The following RPAIN variants were observed in gnomAD, a reference collection of about 807,000 sequenced individuals.
The protein encoded by RPAIN is RPA-interacting protein.
RPAIN carries 29 observed loss-of-function variants against 30.5 expected under a neutral mutation model. The observed-to-expected ratio is 0.95, with a 90% confidence interval of 0.71 to 1.30. The LOEUF is 1.30. Among genes scored for constraint, RPAIN ranks in the 50% most tolerant of loss-of-function variants. The probability of loss-of-function intolerance (pLI) is 0.00; values close to 1 mark genes in which losing one functional copy is unlikely to be tolerated. For synonymous variants in RPAIN, 101 were observed against 93.5 expected (o/e 1.08, Z -0.46); for missense variants, 247 against 264.7 (o/e 0.93, Z 0.46).
At position 5,420,262 on chromosome 17, in the gene RPAIN, T is replaced by A; in HGVS notation, c.52T>A (p.Ser18Thr). The A allele has an allele frequency of 6.2e-7, 1 of 1,613,690 alleles. No individual in the cohort carries two copies. Among genetic ancestry groups the A allele is most frequent in the Non-Finnish European group, 8.5e-7 (1 of 1,179,952 alleles). ...PRRSLYKLVG[S>T]PPWKEAFRQR... ...CCGCTCCCTGTACAAACTGGTGGGC[T>A]CGCCGCCTTGGAAAGAGGCTTTCCG... The change falls in exon 1 of 7, where the codon TCG becomes ACG. Residue 18 changes from serine (S) to threonine (T), a missense_variant. Transcript: ENST00000381209.
chr17:5,424,183 C>G (rs949728313), intron 3 of RPAIN, among the ~76,000 whole-genome samples: 2 of 151,846 alleles, frequency 1.3e-5, no homozygotes, highest in Non-Finnish European at 2.9e-5. Flanking sequence ...GAGACAGGGT[C>G]TCACTGTGTT....
Position 5,421,337 on chromosome 17 carries a change from A to C in RPAIN, c.123A>C (p.Leu41=), listed in dbSNP as rs753249723. The C allele has an allele frequency of 9.7e-5, 157 of 1,613,816 alleles. 3 individuals carry two copies. The South Asian group carries it at 1.3e-3, about 13-fold the overall frequency. ...ERMRNSRDRL[L]NRYRQAGSSG... Reference sequence around the variant, plus strand: ...TGAGAAACAGCCGGGACAGGCTCCTAAACAGGTACCGCCAGGCTGGAAGCA... The same window carrying C: ...TGAGAAACAGCCGGGACAGGCTCCTCAACAGGTACCGCCAGGCTGGAAGCA... Residue 41 remains leucine, a synonymous_variant, in exon 2 of 7, where the codon CTA becomes CTC. Coordinates refer to ENST00000381209, the MANE Select transcript of RPAIN (RefSeq NM_001033002.4).
chr17:5,423,983 A>G (rs1264337403), intron 3 of RPAIN, among the ~76,000 whole-genome samples: 1 of 136,238 alleles, frequency 7.3e-6, no homozygotes, highest in African/African-American at 2.7e-5. Flanking sequence ...AAATTATTTT[A>G]TTTATGTATT....
intron 6 of RPAIN, 153 bp downstream of exon 6, chr17:5,428,364 G>C: frequency 6.6e-7 from 1 of 1,519,992 alleles, no homozygotes. Flanking sequence ...AAGGTAACAA[G>C]TCATTTAGAC....
Position 5,428,218 on chromosome 17 carries a change from G to A in RPAIN, c.630+7G>A, listed in dbSNP as rs572268596. ...TCTTCTCATGAGCTGTCTGGTAAGC[G>A]TCTCCTGGGACCCACTCTGTGGTAA... On this transcript the variant is annotated splice_region_variant and intron_variant, in intron 6 of 6. Coordinates refer to ENST00000381209, the MANE Select transcript of RPAIN (RefSeq NM_001033002.4). 56 of 1,614,186 alleles carry A rather than the reference G, an allele frequency of 3.5e-5. No homozygotes were observed. Among genetic ancestry groups the A allele is most frequent in the South Asian group, 3.0e-4 (27 of 91,086 alleles).
At position 5,420,329 on chromosome 17, in the gene RPAIN, G is replaced by T. The variant is rs747666907; in HGVS notation, c.81+38G>T. ...TTTGTGCAGTGGTCTACCCTAGATC[G>T]TCCCGGTGACCGCCGTCTTCCCTGC... On this transcript the variant is annotated intron_variant, in intron 1 of 6. Transcript: ENST00000381209. 5 of 1,567,662 alleles carry T rather than the reference G, an allele frequency of 3.2e-6. No individual in the cohort carries two copies. In the Admixed American group the frequency reaches 5.1e-5, roughly 16 times the overall value.
intron 5 of RPAIN, 200 bp from the exon 6 acceptor site, chr17:5,427,871 G>A (rs1303796115): frequency 1.6e-5 from 10 of 610,136 alleles, no homozygotes; most frequent in Non-Finnish European, 2.6e-5. Context: ...AGTAGAGGGC[G>A]TTGGTTAATC....
chr17:5,424,218 C>T (rs1242313908), intron 3 of RPAIN, among the ~76,000 whole-genome samples: 7 of 151,858 alleles, frequency 4.6e-5, no homozygotes, highest in Admixed American at 4.6e-4. Flanking sequence ...CGAACTCCTC[C>T]CTGGTCTCAA....
At position 5,426,303 on chromosome 17, in the gene RPAIN, A is replaced by G. The variant is rs760414676; in HGVS notation, c.489+4A>G. The G allele has an allele frequency of 2.8e-5, 45 of 1,608,556 alleles. No individual in the cohort carries two copies. Among genetic ancestry groups the G allele is most frequent in the Non-Finnish European group, 3.6e-5 (42 of 1,175,000 alleles). The stretch of plus-strand genomic sequence containing the variant: ...TGGCCTGTCCATCCCATCTCATGTG[A>G]GTGTTCCACACACAGATTTCATGAT... On this transcript the variant is annotated splice_donor_region_variant and intron_variant, in intron 5 of 6. Coordinates refer to ENST00000381209, the MANE Select transcript of RPAIN (RefSeq NM_001033002.4).
chr17:5,421,421 G>A lies in RPAIN; in HGVS notation c.207G>A (p.Trp69Ter). 2 of 1,614,072 alleles carry A rather than the reference G, an allele frequency of 1.2e-6. No homozygotes were observed. The highest frequency in any genetic ancestry group is 4.5e-5 in the East Asian group (2 of 44,876). The change falls in exon 2 of 7, where the codon TGG becomes TGA. Residue 69 changes from tryptophan (W) to a stop codon, truncating the protein, a stop_gained. Coordinates refer to ENST00000381209, the MANE Select transcript of RPAIN (RefSeq NM_001033002.4). LOFTEE classifies it high-confidence loss of function. ...FLVQEVMEEEWNALQSVENCP... is the reference protein window; with the variant it reads ...FLVQEVMEEE ...TTCAAGAGGTGATGGAAGAAGAGTGGAATGCTTTGCAGTCAGTGGAGAATT... is the reference window on the plus strand; with the variant it reads ...TTCAAGAGGTGATGGAAGAAGAGTGAAATGCTTTGCAGTCAGTGGAGAATT...
At chr17:5,428,734 T>C (rs1348441080) in intron 6 of RPAIN, 2 of 1,017,224 alleles carry the variant, frequency 2.0e-6, no homozygotes, top group African/African-American at 3.4e-5. Flanking sequence ...CAATATCTCT[T>C]ATAATCCATG....
At chr17:5,421,897 T>G (rs1249004807) in intron 2 of RPAIN, 1 of 153,232 alleles carries the variant, frequency 6.5e-6, no homozygotes, top group African/African-American at 2.4e-5. Flanking sequence ...ACGATTCTCC[T>G]GTCTCAGCCT....
intron 3 of RPAIN, among the ~76,000 whole-genome samples, chr17:5,425,754 A>G (rs1163496813): frequency 1.3e-5 from 2 of 152,136 alleles, no homozygotes; most frequent in Non-Finnish European, 2.9e-5. Context: ...CCCTTAGCCT[A>G]CTTCACCTCT....
intron 6 of RPAIN, 197 bp from the exon 7 acceptor site, chr17:5,432,341 GTTGT>G (rs2151674677): frequency 3.6e-6 from 2 of 553,152 alleles, no homozygotes; most frequent in South Asian, 5.1e-5. Flanking sequence ...TCCCAGGGCA[GTTGT>G]TTGAAGGCTG....
intron 6 of RPAIN, chr17:5,431,103 G>A (rs943858100): frequency 3.3e-6 from 1 of 305,850 alleles, no homozygotes; most frequent in African/African-American, 2.2e-5. Context: ...CTGTGCAGCA[G>A]TCTTGGAGAT....
At chr17:5,421,805 T>G (rs1192219526) in intron 2 of RPAIN, 1 of 162,322 alleles carries the variant, frequency 6.2e-6, no homozygotes, top group Non-Finnish European at 1.3e-5. Flanking sequence ...GCTCTTTTTT[T>G]TTTTCTGTCT....
At chr17:5,430,121 T>TTACGCCA (rs1368441590) in intron 6 of RPAIN, 1 of 151,958 alleles carries the variant, frequency 6.6e-6, no homozygotes, top group Non-Finnish European at 1.5e-5. Flanking sequence ...TGAGCTGAGA[T>TTACGCCA]CGTGCTGCTG....
chr17:5,432,748 G>T lies in RPAIN; in HGVS notation c.*177G>T. The T allele has an allele frequency of 1.3e-6, 1 of 771,564 alleles. No individual in the cohort carries two copies. The highest frequency in any genetic ancestry group is 2.0e-6 in the Non-Finnish European group (1 of 499,402). The allele number at this position is 771,564 out of a possible 1,614,324, so 47.8% of individuals were successfully genotyped here. The stretch of plus-strand genomic sequence containing the variant: ...TTGGTCTTTTGTGACGCAGGTTGAA[G>T]GGGGAGGAATAGAAAAAGACAAACT... On this transcript the variant is annotated 3_prime_UTR_variant, in exon 7 of 7. Transcript: ENST00000381209.
chr17:5,432,585 T>G lies in RPAIN; in HGVS notation c.*14T>G. 1.2e-6 allele frequency: 2 copies of G among 1,612,946 alleles called. No individual in the cohort carries two copies. The highest frequency in any genetic ancestry group is 1.7e-6 in the Non-Finnish European group (2 of 1,178,880). On this transcript the variant is annotated 3_prime_UTR_variant, in exon 7 of 7. Transcript: ENST00000381209. ...GTGATCCTCTAGAGCCAGCTTGGACTCACATCATTCTATGGGGTTGAAGAC... is the reference window on the plus strand; with the variant it reads ...GTGATCCTCTAGAGCCAGCTTGGACGCACATCATTCTATGGGGTTGAAGAC...
Sources: gnomAD v4.1 joint callset for allele counts (sites outside exome capture counted in the v4.1 genomes callset) on GRCh38, gnomAD v4.1.1 for gene constraint, MANE v1.5 for transcripts, NCBI Gene and HGNC (gene_info 2026-07-23, HGNC 2026-07-21) for gene names.